Variants in TFAP2C observed in about 807,000 individuals in gnomAD.
TFAP2C encodes transcription factor AP-2 gamma, also known as activating enhancer-binding protein 2 gamma.
Under a neutral mutation model 42.9 loss-of-function variants are expected in TFAP2C, and 9 were observed. The ratio of observed to expected loss-of-function variants is 0.21; its 90% CI spans 0.13 to 0.37. TFAP2C has a LOEUF of 0.37. TFAP2C is among the 10% of genes least tolerant of loss of function. TFAP2C has a pLI of 1.00. For synonymous variants in TFAP2C, 264 were observed against 256.0 expected, an observed-to-expected ratio of 1.03 and a Z score of -0.30; for missense variants, 462 against 591.7, an observed-to-expected ratio of 0.78 and a Z score of 2.27.
chr20:56,634,368 T>C (rs974613712), intron 5 of TFAP2C, 100 bp downstream of exon 5: 1 of 827,374 alleles, frequency 1.2e-6, no homozygotes. Context: ...TAAAACTTGG[T>C]TGCAAGTAGA....
intron 6 of TFAP2C, among the ~76,000 whole-genome samples, 180 bp from the exon 7 acceptor site, chr20:56,637,548 A>G (rs1987607156): frequency 6.6e-6 from 1 of 152,250 alleles, no homozygotes; most frequent in South Asian, 2.1e-4. Context: ...AGCTTAACTC[A>G]GAGCCTGGCG....
Position 56,630,129 on chromosome 20 carries a change from G to A in TFAP2C, c.48+537G>A, listed in dbSNP as rs1283560997. ...AGGCCAGATGGGGCCGTAAGAGCTC[G>A]CGAGTGCTCCAGCCTGTCGGACAGG... On this transcript the variant is annotated intron_variant, in intron 1 of 6. Coordinates refer to ENST00000201031, the MANE Select transcript of TFAP2C (RefSeq NM_003222.4). This position sits in a 1 kb window ranked among gnomAD's most constrained non-coding sequence, Gnocchi z 5.1. 4.9e-6 allele frequency: 1 copy of A among 204,498 alleles called. No homozygotes were observed. The highest frequency in any genetic ancestry group is 1.1e-5 in the Non-Finnish European group (1 of 94,632). The allele number at this position is 204,498 out of a possible 1,614,324, so 12.7% of individuals were successfully genotyped here.
intron 4 of TFAP2C, 42 bp downstream of exon 4, chr20:56,633,611 A>C: frequency 6.7e-7 from 1 of 1,491,826 alleles, no homozygotes; most frequent in Non-Finnish European, 9.3e-7. Flanking sequence ...TGGGTAGTTG[A>C]AGGTGAGTGT....
chr20:56,633,308 T>C, intron 3 of TFAP2C, 45 bp from the exon 4 acceptor site: 1 of 1,520,942 alleles, frequency 6.6e-7, no homozygotes, highest in Non-Finnish European at 9.0e-7. Flanking sequence ...TCTCTTTTGC[T>C]CAGAGAGAGC....
rs1353585219 is a variant in TFAP2C at position 56,631,386 on chromosome 20, C to T, written c.230C>T (p.Ser77Leu). ...TACTCCCAGTCGGCCGACCCCTACT[C>T]GCATCTGGGGGAAGCGTACGCCGCC... ...LAYSQSADPYSHLGEAYAAAI... is the reference protein window; with the variant it reads ...LAYSQSADPYLHLGEAYAAAI... The change falls in exon 2 of 7, where the codon TCG becomes TTG. Residue 77 changes from serine to leucine, a missense_variant. Physicochemically the swap from Ser to Leu is moderately radical, Grantham distance 145 (BLOSUM62 -2). This residue lies in a region of TFAP2C where 271 missense variants were observed against 269.7 expected (regional missense o/e 1.00). Transcript: ENST00000201031. This position sits in a 1 kb window ranked among gnomAD's most constrained non-coding sequence, Gnocchi z 6.1. The T allele has an allele frequency of 1.9e-6, 3 of 1,611,100 alleles. No homozygotes were observed. The highest frequency in any genetic ancestry group is 1.1e-5 in the South Asian group (1 of 90,452).
chr20:56,631,840 G>C lies in TFAP2C; in HGVS notation c.570G>C (p.Gln190His), dbSNP rs764442691. 6.2e-7 allele frequency: 1 copy of C among 1,614,220 alleles called. No individual in the cohort carries two copies. The highest frequency in any genetic ancestry group is 1.1e-5 in the South Asian group (1 of 91,086). ...ACCAGCACCTGTTGCTGCACGATCA[G>C]ACAGTCATTCGCAAAGGTAAATAGC... is the stretch of plus-strand genomic sequence containing the variant. ...VDDQHLLLHD[Q>H]TVIRKGPISM... Residue 190 changes from glutamine to histidine, a missense_variant, in exon 3 of 7, where the codon CAG becomes CAC. Coordinates refer to ENST00000201031, the MANE Select transcript of TFAP2C (RefSeq NM_003222.4). This position sits in a 1 kb window ranked among gnomAD's most constrained non-coding sequence, Gnocchi z 6.1.
rs1987443189 is a variant in TFAP2C at position 56,629,504 on chromosome 20, C to T, written c.-41C>T. 1 of 1,386,570 alleles carries T rather than the reference C, an allele frequency of 7.2e-7. No homozygotes were observed. The allele number at this position is 1,386,570 out of a possible 1,614,324, so 85.9% of individuals were successfully genotyped here. A position where few individuals can be genotyped will look rare whatever the true frequency, so the allele number is the denominator to read the frequency against. Reference sequence around the variant, plus strand: ...TTACCGCTTGGGGGCTGGGGGGATCCTGGATTTAACTGGCGACTGTTTTGG... The same window carrying T: ...TTACCGCTTGGGGGCTGGGGGGATCTTGGATTTAACTGGCGACTGTTTTGG... On this transcript the variant is annotated 5_prime_UTR_variant, in exon 1 of 7. Coordinates refer to ENST00000201031, the MANE Select transcript of TFAP2C (RefSeq NM_003222.4). The surrounding 1 kb of genome is among the most constrained non-coding windows in gnomAD (Gnocchi z 5.9).
In TFAP2C at chr20:56,637,704, C is replaced by T. The variant is rs201529764; in HGVS notation, c.1068-24C>T. On this transcript the variant is annotated intron_variant, in intron 6 of 6. Transcript: ENST00000201031. ...CTGTAAGGAGCTAGATGGAACTCAT[C>T]GAGTCAACTGACTGTCTTCACAGGC... 2.9e-5 allele frequency: 47 copies of T among 1,610,640 alleles called. No homozygotes were observed. In the East Asian group the frequency reaches 3.3e-4, roughly 11 times the overall value.
Position 56,629,707 on chromosome 20 carries a change from G to T in TFAP2C, c.48+115G>T. The T allele has an allele frequency of 1.3e-6, 1 of 757,106 alleles. No homozygotes were observed. The highest frequency in any genetic ancestry group is 3.1e-5 in the East Asian group (1 of 31,916). 46.9% of individuals were successfully genotyped at this position (757,106 alleles called of 1,614,324 possible). ...AGGAGCCCTGGCCTCTCGGTGGGAC[G>T]GGATCCACTTCTCCGGACACCCCTT... On this transcript the variant is annotated intron_variant, in intron 1 of 6. Coordinates refer to ENST00000201031, the MANE Select transcript of TFAP2C (RefSeq NM_003222.4). This position sits in a 1 kb window ranked among gnomAD's most constrained non-coding sequence, Gnocchi z 5.9.
rs757860977 is a variant in TFAP2C, at chr20:56,630,342, G to C, written c.48+750G>C. 6.9e-5 allele frequency: 31 copies of C among 447,470 alleles called. No homozygotes were observed. The highest frequency in any genetic ancestry group is 1.2e-4 in the Non-Finnish European group (27 of 217,980). 27.7% of individuals were successfully genotyped at this position (447,470 alleles called of 1,614,324 possible). On this transcript the variant is annotated intron_variant, in intron 1 of 6. Coordinates refer to ENST00000201031, the MANE Select transcript of TFAP2C (RefSeq NM_003222.4). This position sits in a 1 kb window ranked among gnomAD's most constrained non-coding sequence, Gnocchi z 5.1. ...CCTGCCCGCAGGCCCGGGCGCTTCC[G>C]CCAGGAGGCGACAGCGCCATGTTCC...
chr20:56,638,078 GCA>G lies in TFAP2C; in HGVS notation c.*68_*69del. On this transcript the variant is annotated 3_prime_UTR_variant, in exon 7 of 7. Transcript: ENST00000201031. Reference sequence around the variant, plus strand: ...AGGACTGCAAAAATCCTTCTCCACCGCACAGACTGGGAACCCCTCCTGGCCTG... The same window carrying G: ...AGGACTGCAAAAATCCTTCTCCACCGCAGACTGGGAACCCCTCCTGGCCTG... The G allele has an allele frequency of 6.9e-7, 1 of 1,447,272 alleles. No individual in the cohort carries two copies. The highest frequency in any genetic ancestry group is 9.3e-7 in the Non-Finnish European group (1 of 1,069,888). 89.7% of individuals were successfully genotyped at this position (1,447,272 alleles called of 1,614,324 possible). A position where few individuals can be genotyped will look rare whatever the true frequency, so the allele number is the denominator to read the frequency against.
rs1373478869 is a variant in TFAP2C, at chr20:56,632,129, GAA to G, written c.586+275_586+276del. On this transcript the variant is annotated intron_variant, in intron 3 of 6. Transcript: ENST00000201031. ...CCAGTGGGTGTTTCACAATGTGAGA[GAA>G]AGTCTTCCAGAGCGAGTGAACACTG... 3.3e-5 allele frequency among the ~76,000 whole-genome samples: 5 copies of G among 152,242 alleles called. No individual in the cohort carries two copies. In the East Asian group the frequency reaches 9.6e-4, roughly 29 times the overall value.
rs938546068 is a variant in TFAP2C, at chr20:56,638,973, C to T, written c.*960C>T. 1 of 152,552 alleles carries T rather than the reference C, an allele frequency of 6.6e-6. No homozygotes were observed. The highest frequency in any genetic ancestry group is 1.5e-5 in the Non-Finnish European group (1 of 68,030). 9.4% of individuals were successfully genotyped at this position (152,552 alleles called of 1,614,324 possible). On this transcript the variant is annotated 3_prime_UTR_variant, in exon 7 of 7. Coordinates refer to ENST00000201031, the MANE Select transcript of TFAP2C (RefSeq NM_003222.4). ...ACATGGGATCCAATTTTAATATTAA[C>T]TTTTAATGGTGATGGGGTAATCTAT...
Position 56,630,237 on chromosome 20 carries a change from G to C in TFAP2C, c.48+645G>C. ...AGAAGACGCAGGCAGCGCTAGGCGA[G>C]CTCAGGGGCGCCGGGAGCGCGGAGC... is the stretch of plus-strand genomic sequence containing the variant. On this transcript the variant is annotated intron_variant, in intron 1 of 6. Coordinates refer to ENST00000201031, the MANE Select transcript of TFAP2C (RefSeq NM_003222.4). The surrounding 1 kb of genome is among the most constrained non-coding windows in gnomAD (Gnocchi z 5.1). The C allele has an allele frequency of 3.3e-6, 1 of 299,736 alleles. No homozygotes were observed. Among genetic ancestry groups the C allele is most frequent in the South Asian group, 2.5e-5 (1 of 40,726 alleles). The allele number at this position is 299,736 out of a possible 1,614,324, so 18.6% of individuals were successfully genotyped here.
rs755074183 is a variant in TFAP2C at position 56,630,138 on chromosome 20, C to G, written c.48+546C>G. On this transcript the variant is annotated intron_variant, in intron 1 of 6. Transcript: ENST00000201031. This position sits in a 1 kb window ranked among gnomAD's most constrained non-coding sequence, Gnocchi z 5.1. ...GGGGCCGTAAGAGCTCGCGAGTGCTCCAGCCTGTCGGACAGGTTGAGCTAG... is the reference window on the plus strand; with the variant it reads ...GGGGCCGTAAGAGCTCGCGAGTGCTGCAGCCTGTCGGACAGGTTGAGCTAG... The G allele has an allele frequency of 3.4e-5, 8 of 232,162 alleles. No individual in the cohort carries two copies. The highest frequency in any genetic ancestry group is 7.3e-5 in the Non-Finnish European group (8 of 109,394). 14.4% of individuals were successfully genotyped at this position (232,162 alleles called of 1,614,324 possible).
chr20:56,634,818 C>G (rs936173575), intron 5 of TFAP2C, among the ~76,000 whole-genome samples: 1 of 152,218 alleles, frequency 6.6e-6, no homozygotes, highest in African/African-American at 2.4e-5. Context: ...GCACAAGTTC[C>G]TCTTGCCAGT....
At chr20:56,635,645 T>G (rs1229133537) in intron 5 of TFAP2C, among the ~76,000 whole-genome samples, 2 of 152,190 alleles carry the variant, frequency 1.3e-5, no homozygotes. Flanking sequence ...CCCTTAAATT[T>G]TCCTACTTCC....
intron 3 of TFAP2C, among the ~76,000 whole-genome samples, chr20:56,632,073 G>A (rs1453059362): frequency 6.6e-6 from 1 of 152,016 alleles, no homozygotes; most frequent in African/African-American, 2.4e-5. Context: ...TTACTGCCTA[G>A]TTTTTTTTCT....
intron 3 of TFAP2C, among the ~76,000 whole-genome samples, chr20:56,632,301 T>C (rs1041130121): frequency 6.6e-6 from 1 of 152,222 alleles, no homozygotes; most frequent in African/African-American, 2.4e-5. Flanking sequence ...AATTCTGACC[T>C]GCAAGAAAAG....
Sources: allele counts gnomAD v4.1 joint callset (sites outside exome capture counted in the v4.1 genomes callset), GRCh38; gene constraint gnomAD v4.1.1; regional missense constraint gnomAD v4.1.1; non-coding constraint Gnocchi (gnomAD v3.1); transcripts MANE v1.5; gene names NCBI Gene and HGNC (gene_info 2026-07-23, HGNC 2026-07-21).